Variants in PRR16 observed in about 807,000 individuals in gnomAD.
PRR16 encodes the protein protein Largen.
A neutral mutation model predicts 18.2 loss-of-function variants in PRR16; 6 were observed. The observed-to-expected ratio is 0.33, with a 90% CI of 0.18 to 0.65. The LOEUF (loss-of-function observed/expected upper bound fraction) is 0.65, where lower values mean the gene tolerates loss of function less well. Ranked by LOEUF, PRR16 falls within the 30% of genes least tolerant of loss-of-function variation. PRR16 has a pLI of 0.74. For synonymous variants in PRR16, 151 were observed against 147.8 expected, an observed-to-expected ratio of 1.02 and a Z score of -0.16; for missense variants, 412 against 376.6, an observed-to-expected ratio of 1.09 and a Z score of -0.78.
At chr5:120,504,449 A>T (rs544653844) in intron 1 of PRR16, among the ~76,000 whole-genome samples, 44 of 152,298 alleles carry the variant, frequency 2.9e-4, no homozygotes, top group African/African-American at 9.6e-4. Context: ...AATTGTGGGG[A>T]TATATCTAAA....
At chr5:120,488,361 C>G (rs973303746) in intron 1 of PRR16, among the ~76,000 whole-genome samples, 12 of 152,094 alleles carry the variant, frequency 7.9e-5, no homozygotes, top group Non-Finnish European at 1.6e-4. Context: ...TCAACTTCTT[C>G]CTGGCTTAGT....
At chr5:120,738,235 C>CT in the PRR16 span, among the ~76,000 whole-genome samples, 1 of 151,980 alleles carries the variant, frequency 6.6e-6, no homozygotes, top group Non-Finnish European at 1.5e-5. Flanking sequence ...AGTAATACAT[C>CT]TATGGGGGCT....
chr5:120,532,382 G>T (rs1751579876), intron 1 of PRR16, among the ~76,000 whole-genome samples: 1 of 151,624 alleles, frequency 6.6e-6, no homozygotes, highest in Non-Finnish European at 1.5e-5. Context: ...TAAGTTTATG[G>T]GCTAGCTTTT....
At chr5:120,469,855 A>G (rs1554075781) in intron 1 of PRR16, among the ~76,000 whole-genome samples, 1 of 152,190 alleles carries the variant, frequency 6.6e-6, no homozygotes, top group Non-Finnish European at 1.5e-5. Flanking sequence ...ATAATCATCC[A>G]TCACTGTCTA....
the PRR16 span, among the ~76,000 whole-genome samples, chr5:120,722,231 G>A: frequency 8.6e-5 from 13 of 151,956 alleles, no homozygotes; most frequent in South Asian, 8.3e-4. Context: ...ATAGTATTCC[G>A]TCTGTTAGTA....
At chr5:120,469,180 C>T (rs1490611630) in intron 1 of PRR16, among the ~76,000 whole-genome samples, 1 of 152,218 alleles carries the variant, frequency 6.6e-6, no homozygotes, top group Non-Finnish European at 1.5e-5. Flanking sequence ...ATTTTCACTT[C>T]TAAATGTTCC....
At chr5:120,576,204 G>A (rs556322661) in intron 1 of PRR16, among the ~76,000 whole-genome samples, 11 of 152,158 alleles carry the variant, frequency 7.2e-5, no homozygotes, top group Admixed American at 2.6e-4. Context: ...AACAATCATC[G>A]GAGTGAAGAG....
At chr5:120,508,439 C>G (rs1349312927) in intron 1 of PRR16, among the ~76,000 whole-genome samples, 1 of 152,082 alleles carries the variant, frequency 6.6e-6, no homozygotes, top group African/African-American at 2.4e-5. Context: ...TGTGTGGAGT[C>G]TGATGACAAT....
chr5:120,736,049 C>G, the PRR16 span, among the ~76,000 whole-genome samples: 1 of 152,138 alleles, frequency 6.6e-6, no homozygotes, highest in African/African-American at 2.4e-5. Flanking sequence ...ACTCAATTTT[C>G]TCAGGAGAAA....
intron 1 of PRR16, among the ~76,000 whole-genome samples, chr5:120,659,523 G>C (rs1401106136): frequency 1.3e-5 from 2 of 151,914 alleles, no homozygotes; most frequent in Non-Finnish European, 2.9e-5. Flanking sequence ...AATGATCAAG[G>C]CAGGTAATTG....
chr5:120,468,248 A>G (rs559660434), intron 1 of PRR16, among the ~76,000 whole-genome samples: 9 of 152,342 alleles, frequency 5.9e-5, no homozygotes, highest in African/African-American at 2.2e-4. Flanking sequence ...TGGTTAACAT[A>G]AATGGATCAA....
chr5:120,642,939 G>C (rs1464511585), intron 1 of PRR16, among the ~76,000 whole-genome samples: 2 of 151,946 alleles, frequency 1.3e-5, no homozygotes, highest in Non-Finnish European at 2.9e-5. Flanking sequence ...CTTCATTCTT[G>C]ATTTCTGATT....
At chr5:120,732,147 G>T in the PRR16 span, among the ~76,000 whole-genome samples, 6 of 152,336 alleles carry the variant, frequency 3.9e-5, no homozygotes, top group Non-Finnish European at 5.9e-5. Flanking sequence ...AGCTCATAGT[G>T]TTCAGCAGTG....
the PRR16 span, among the ~76,000 whole-genome samples, chr5:120,753,051 G>T: frequency 1.3e-5 from 2 of 151,924 alleles, no homozygotes; most frequent in Non-Finnish European, 2.9e-5. Context: ...ATTAATTGTT[G>T]TGAGCAGAGG....
chr5:120,569,846 T>A (rs1752852271), intron 1 of PRR16, among the ~76,000 whole-genome samples: 1 of 152,028 alleles, frequency 6.6e-6, no homozygotes, highest in Admixed American at 6.6e-5. Context: ...GAGTAAAGGG[T>A]TGATATACAG....
chr5:120,754,535 A>G, the PRR16 span, among the ~76,000 whole-genome samples: 3 of 91,932 alleles, frequency 3.3e-5, no homozygotes, highest in South Asian at 2.9e-4. Context: ...TTATATAATT[A>G]TATGTAATTA....
chr5:120,553,705 C>T (rs1023463475), intron 1 of PRR16, among the ~76,000 whole-genome samples: 19 of 151,768 alleles, frequency 1.3e-4, no homozygotes, highest in African/African-American at 2.9e-4. Context: ...TCTTTCATTC[C>T]GCAATTCTGA....
intron 1 of PRR16, among the ~76,000 whole-genome samples, chr5:120,637,642 T>TG (rs70985233): frequency 0.69 from 104,694 of 151,784 alleles, 37,674 homozygotes; most frequent in East Asian, 0.89. Flanking sequence ...TTTGGGGATT[T>TG]GGGGGGAAGG....
intron 1 of PRR16, among the ~76,000 whole-genome samples, chr5:120,490,227 G>T (rs1362783744): frequency 1.3e-5 from 2 of 152,114 alleles, no homozygotes; most frequent in Admixed American, 6.5e-5. Flanking sequence ...AGTTCTCCTG[G>T]ATAATATCCT....
Sources: gnomAD v4.1 joint callset for allele counts (sites outside exome capture counted in the v4.1 genomes callset) on GRCh38, gnomAD v4.1.1 for gene constraint, MANE v1.5 for transcripts, NCBI Gene and HGNC (gene_info 2026-07-23, HGNC 2026-07-21) for gene names.